The following PCDHA2 variants were observed in gnomAD, a reference collection of about 807,000 sequenced individuals.
The protein encoded by PCDHA2 is protocadherin alpha 2, also known as protocadherin alpha-2.
Under a neutral mutation model 66.0 loss-of-function variants are expected in PCDHA2, and 58 were observed. The observed-to-expected ratio is 0.88, with a 90% CI of 0.71 to 1.09. The LOEUF (loss-of-function observed/expected upper bound fraction) is 1.09. PCDHA2 is among the 50% of genes least tolerant of loss of function. The pLI, the probability that PCDHA2 is intolerant of heterozygous loss-of-function variation, is 0.00. For synonymous variants in PCDHA2, 634 were observed against 554.0 expected (o/e 1.14, Z -2.03); for missense variants, 1,267 against 1,242.3 (o/e 1.02, Z -0.30).
rs782297262 is a variant in PCDHA2 at position 140,796,125 on chromosome 5, C to G, written c.1161C>G (p.Cys387Trp). ...RDSGTNGHVTCSLTPHVPFKL... is the reference protein window; with the variant it reads ...RDSGTNGHVTWSLTPHVPFKL... Reference sequence around the variant, plus strand: ...CTGGTACGAATGGACATGTCACCTGCTCCCTGACGCCCCACGTCCCTTTCA... The same window carrying G: ...CTGGTACGAATGGACATGTCACCTGGTCCCTGACGCCCCACGTCCCTTTCA... The change falls in exon 1 of 4, where the codon TGC becomes TGG. Residue 387 changes from cysteine (C) to tryptophan (W), a missense_variant. Transcript: ENST00000526136. The G allele has an allele frequency of 6.2e-7, 1 of 1,614,122 alleles. No individual in the cohort carries two copies. Among genetic ancestry groups the G allele is most frequent in the Admixed American group, 1.7e-5 (1 of 60,010 alleles).
intron 1 of PCDHA2, chr5:140,830,284 G>A (rs536478075): frequency 3.1e-6 from 5 of 1,613,734 alleles, no homozygotes; most frequent in Admixed American, 1.7e-5. Context: ...CCGAGGGCGC[G>A]TGCACGGCGG....
At chr5:140,828,468 T>C in intron 1 of PCDHA2, 1 of 1,614,148 alleles carries the variant, frequency 6.2e-7, no homozygotes, top group Non-Finnish European at 8.5e-7. Flanking sequence ...GTGAGGGACA[T>C]TAACGACAAC....
In PCDHA2 at chr5:140,982,489, A is replaced by G. The variant is rs782634646; in HGVS notation, c.2462A>G (p.Glu821Gly). The change falls in exon 3 of 4, where the codon GAG (glutamate) becomes GGG (glycine). Residue 821 changes from glutamate to glycine, a missense_variant. By Grantham distance (98) the Glu-to-Gly change is moderately conservative. Transcript: ENST00000526136. ...RAGMHSSVHL[E>G]EAGILRAGPG... ...TGTTTATTCAGCTCTGTGCACCTAG[A>G]GGAGGCTGGCATTCTACGGGCTGGT... 3 of 1,614,066 alleles carry G rather than the reference A, an allele frequency of 1.9e-6. No individual in the cohort carries two copies. The African/African-American group carries it at 4.0e-5, about 22-fold the overall frequency.
intron 1 of PCDHA2, among the ~76,000 whole-genome samples, chr5:140,952,174 A>T (rs1376987356): frequency 6.6e-6 from 1 of 152,096 alleles, no homozygotes; most frequent in Non-Finnish European, 1.5e-5. Flanking sequence ...CAGTTCCTGC[A>T]GCTGCTCTCA....
chr5:140,836,400 G>T, intron 1 of PCDHA2: 1 of 1,613,760 alleles, frequency 6.2e-7, no homozygotes, highest in Non-Finnish European at 8.5e-7. Context: ...GGTGGAAAGC[G>T]GCCAGGCACC....
intron 1 of PCDHA2, chr5:140,881,257 C>T (rs2058639669): frequency 2.0e-6 from 1 of 512,572 alleles, no homozygotes; most frequent in Non-Finnish European, 2.5e-6. Context: ...CAAGGTTTTA[C>T]TCAGTGATGA....
chr5:140,952,767 A>T (rs912245909), intron 1 of PCDHA2, among the ~76,000 whole-genome samples: 13 of 152,298 alleles, frequency 8.5e-5, no homozygotes, highest in African/African-American at 2.9e-4. Flanking sequence ...GAGACTGGAT[A>T]ATTTAGAAAG....
At chr5:140,822,961 C>T (rs1220771732) in intron 1 of PCDHA2, 20 of 1,614,146 alleles carry the variant, frequency 1.2e-5, no homozygotes, top group Non-Finnish European at 1.7e-5. Context: ...TCCCTTCAAG[C>T]TGGTGTCCAC....
chr5:140,968,080 G>A (rs782815703), intron 1 of PCDHA2: 14 of 1,614,102 alleles, frequency 8.7e-6, no homozygotes, highest in Middle Eastern at 1.7e-4. Context: ...ACAACATCAC[G>A]GTGACAGCCA....
chr5:140,869,600 C>T lies in PCDHA2; in HGVS notation c.2388+72248C>T, dbSNP rs782754801. The stretch of plus-strand genomic sequence containing the variant: ...TCTGATGCTGACATTGAAGAGAATG[C>T]TCTATTGACCTACAGGCTAAGTAAA... On this transcript the variant is annotated intron_variant, in intron 1 of 3. Transcript: ENST00000526136. 1.9e-6 allele frequency: 3 copies of T among 1,613,922 alleles called. No homozygotes were observed. The African/African-American group carries it at 4.0e-5, about 22-fold the overall frequency.
chr5:140,981,252 T>C (rs1482350756), intron 2 of PCDHA2, among the ~76,000 whole-genome samples: 1 of 152,240 alleles, frequency 6.6e-6, no homozygotes, highest in African/African-American at 2.4e-5. Context: ...GAAATTTAAC[T>C]TTCAAGATAA....
chr5:140,803,795 C>T, intron 1 of PCDHA2: 1 of 813,652 alleles, frequency 1.2e-6, no homozygotes, highest in Non-Finnish European at 1.9e-6. Flanking sequence ...ATGATATCCA[C>T]ACTTGTAATT....
rs2150364854 is a variant in PCDHA2, at chr5:140,843,675, T to C, written c.2388+46323T>C. ...CCTCCTGATCTGGGATCAGTTGATGTAGGCGAAGAGCAAGATTTAAATGTT... is the reference window on the plus strand; with the variant it reads ...CCTCCTGATCTGGGATCAGTTGATGCAGGCGAAGAGCAAGATTTAAATGTT... On this transcript the variant is annotated intron_variant, in intron 1 of 3. Transcript: ENST00000526136. 4.1e-5 allele frequency: 65 copies of C among 1,591,382 alleles called. 8 individuals are homozygous for C. The highest frequency in any genetic ancestry group is 5.5e-5 in the Non-Finnish European group (64 of 1,161,214).
chr5:140,898,462 CTTGT>C (rs2066755516), intron 1 of PCDHA2, among the ~76,000 whole-genome samples: 1 of 150,202 alleles, frequency 6.7e-6, no homozygotes, highest in South Asian at 2.1e-4. Flanking sequence ...TTCCCCATTG[CTTGT>C]TTTTCTCAGG....
intron 1 of PCDHA2, among the ~76,000 whole-genome samples, chr5:140,905,243 T>C (rs962108553): frequency 7.2e-5 from 11 of 152,184 alleles, no homozygotes; most frequent in Non-Finnish European, 1.5e-4. Context: ...CCAGTTTCAT[T>C]CTTCCACATG....
intron 1 of PCDHA2, among the ~76,000 whole-genome samples, chr5:140,917,545 C>G (rs1049973588): frequency 6.6e-6 from 1 of 152,212 alleles, no homozygotes; most frequent in Non-Finnish European, 1.5e-5. Flanking sequence ...TTAGGTTTTA[C>G]ATTTAACTCT....
chr5:140,852,628 G>A, intron 1 of PCDHA2: 1 of 953,102 alleles, frequency 1.0e-6, no homozygotes, highest in Non-Finnish European at 1.3e-6. Context: ...TGGTCTCTGA[G>A]CTCCTGTCAT....
At chr5:140,870,494 A>G (rs782779572) in intron 1 of PCDHA2, 1 of 1,614,236 alleles carries the variant, frequency 6.2e-7, no homozygotes, top group South Asian at 1.1e-5. Flanking sequence ...GTGTTCGTGA[A>G]GGAGAACAAC....
chr5:140,855,898 G>A (rs1376080339), intron 1 of PCDHA2: 3 of 1,069,996 alleles, frequency 2.8e-6, no homozygotes, highest in African/African-American at 1.6e-5. Context: ...AAAGGCATCA[G>A]CCAGTTTCTC....
Sources: allele counts gnomAD v4.1 joint callset (sites outside exome capture counted in the v4.1 genomes callset), GRCh38; gene constraint gnomAD v4.1.1; transcripts MANE v1.5; gene names NCBI Gene and HGNC (gene_info 2026-07-23, HGNC 2026-07-21).